The following XIRP2 variants were observed in gnomAD, a reference collection of about 807,000 sequenced individuals.
XIRP2 encodes the protein xin actin-binding repeat-containing protein 2.
XIRP2 carries 236 observed loss-of-function variants against 277.0 expected under a neutral mutation model. That is an observed-to-expected ratio of 0.85 (90% CI 0.77 to 0.95). The LOEUF (loss-of-function observed/expected upper bound fraction) is 0.95, where lower values mean the gene tolerates loss of function less well. XIRP2 is among the 40% of genes least tolerant of loss of function. The probability of loss-of-function intolerance (pLI) is 0.00; values close to 1 mark genes in which losing one functional copy is unlikely to be tolerated. For missense variants in XIRP2, 4,640 were observed against 4,157.5 expected (o/e 1.12, Z -3.19); for synonymous variants, 1,490 against 1,416.5 (o/e 1.05, Z -1.17).
intron 2 of XIRP2, among the ~76,000 whole-genome samples, chr2:167,088,144 AT>A (rs1358181426): frequency 6.6e-5 from 10 of 152,310 alleles, no homozygotes; most frequent in Non-Finnish European, 2.9e-5. Flanking sequence ...GTTTAAAAGT[AT>A]CAAAAATTAT....
chr2:166,970,842 A>G (rs976707786), intron 2 of XIRP2, among the ~76,000 whole-genome samples: 3 of 151,926 alleles, frequency 2.0e-5, no homozygotes, highest in African/African-American at 7.2e-5. Context: ...ATATACTATC[A>G]TATATTAAAA....
At chr2:167,009,232 G>A (rs1687594713) in intron 2 of XIRP2, among the ~76,000 whole-genome samples, 1 of 105,830 alleles carries the variant, frequency 9.4e-6, no homozygotes, top group Non-Finnish European at 1.7e-5. Flanking sequence ...CCCCACAACA[G>A]TCCCCAGAGT....
At chr2:166,942,799 C>T (rs983045961) in intron 2 of XIRP2, among the ~76,000 whole-genome samples, 2 of 151,726 alleles carry the variant, frequency 1.3e-5, no homozygotes, top group African/African-American at 4.8e-5. Context: ...AAAATAAAAG[C>T]CTTGAAGAGA....
chr2:167,108,012 TATAA>T (rs1465133765), intron 2 of XIRP2, among the ~76,000 whole-genome samples: 10 of 151,790 alleles, frequency 6.6e-5, no homozygotes, highest in African/African-American at 1.9e-4. Context: ...ATTTTAAAAT[TATAA>T]ATGTGATTTT....
At chr2:166,931,069 A>G (rs907173638) in intron 2 of XIRP2, among the ~76,000 whole-genome samples, 2 of 152,158 alleles carry the variant, frequency 1.3e-5, no homozygotes, top group Non-Finnish European at 2.9e-5. Context: ...TCATGAGCTC[A>G]ATGAAGAGAA....
chr2:166,985,101 A>G (rs994904343), intron 2 of XIRP2, among the ~76,000 whole-genome samples: 1 of 152,214 alleles, frequency 6.6e-6, no homozygotes, highest in African/African-American at 2.4e-5. Flanking sequence ...CATCCTGCAC[A>G]AAATTTAGTC....
chr2:166,920,267 A>G (rs1685002760), intron 2 of XIRP2, among the ~76,000 whole-genome samples: 1 of 152,192 alleles, frequency 6.6e-6, no homozygotes, highest in African/African-American at 2.4e-5. Flanking sequence ...GATGTGGAGA[A>G]GTTAATTTGC....
chr2:167,024,241 T>C (rs1688081821), intron 2 of XIRP2, among the ~76,000 whole-genome samples: 1 of 152,160 alleles, frequency 6.6e-6, no homozygotes, highest in Non-Finnish European at 1.5e-5. Context: ...CACTCATGAT[T>C]TGGCTCTCTG....
intron 2 of XIRP2, among the ~76,000 whole-genome samples, chr2:167,081,440 C>A (rs1413817927): frequency 6.6e-6 from 1 of 152,088 alleles, no homozygotes; most frequent in East Asian, 1.9e-4. Flanking sequence ...TGTACTCCAG[C>A]CTGGGTGGCA....
intron 2 of XIRP2, among the ~76,000 whole-genome samples, chr2:166,995,068 G>T (rs909482501): frequency 2.0e-5 from 3 of 152,056 alleles, no homozygotes; most frequent in Admixed American, 6.6e-5. Flanking sequence ...TTTTAGTAGA[G>T]ATCAGGTTTC....
chr2:167,163,749 T>C (rs1406739820), intron 3 of XIRP2, among the ~76,000 whole-genome samples: 1 of 152,214 alleles, frequency 6.6e-6, no homozygotes, highest in Non-Finnish European at 1.5e-5. Context: ...GCAAAGATAT[T>C]TCTGTGCTTT....
intron 2 of XIRP2, among the ~76,000 whole-genome samples, chr2:166,931,381 G>A (rs139043494): frequency 1.3e-5 from 2 of 152,110 alleles, no homozygotes; most frequent in African/African-American, 2.4e-5. Flanking sequence ...ATCTCTTAGA[G>A]CAAAATTTTG....
chr2:166,899,518 A>G (rs1684323845), intron 1 of XIRP2, among the ~76,000 whole-genome samples: 1 of 152,076 alleles, frequency 6.6e-6, no homozygotes, highest in South Asian at 2.1e-4. Flanking sequence ...TTGTCATTCA[A>G]GAATACCCCC....
At chr2:167,114,676 A>G (rs973523037) in intron 2 of XIRP2, among the ~76,000 whole-genome samples, 1 of 144,384 alleles carries the variant, frequency 6.9e-6, no homozygotes, top group African/African-American at 2.6e-5. Context: ...GTTCCCATCT[A>G]TGAGTGAGAA....
chr2:167,258,718 G>A lies in XIRP2; in HGVS notation c.*901G>A. ...CATATCTGAATAATTGCAGGCAGAA[G>A]ACATCTATTTTAGAATTTCTTGATC... On this transcript the variant is annotated 3_prime_UTR_variant, in exon 11 of 11. Transcript: ENST00000409195. 2 of 1,613,202 alleles carry A rather than the reference G, an allele frequency of 1.2e-6. No individual in the cohort carries two copies. Among genetic ancestry groups the A allele is most frequent in the Non-Finnish European group, 1.7e-6 (2 of 1,179,568 alleles).
At chr2:166,942,300 C>G (rs1430712033) in intron 2 of XIRP2, among the ~76,000 whole-genome samples, 1 of 152,128 alleles carries the variant, frequency 6.6e-6, no homozygotes, top group Non-Finnish European at 1.5e-5. Flanking sequence ...ATAAGTTTAG[C>G]CTTGGAGTCA....
At chr2:167,129,807 T>C (rs920254506) in intron 2 of XIRP2, among the ~76,000 whole-genome samples, 1 of 150,486 alleles carries the variant, frequency 6.6e-6, no homozygotes, top group African/African-American at 2.4e-5. Context: ...GAGGCAGAGA[T>C]TGTGGTGAGC....
At chr2:166,972,573 A>G (rs1463199799) in intron 2 of XIRP2, among the ~76,000 whole-genome samples, 4 of 152,152 alleles carry the variant, frequency 2.6e-5, no homozygotes, top group Admixed American at 1.3e-4. Flanking sequence ...AGCACAGTTC[A>G]TATTCTGCAA....
intron 2 of XIRP2, among the ~76,000 whole-genome samples, chr2:167,055,537 G>A (rs1382617820): frequency 1.3e-5 from 2 of 152,136 alleles, no homozygotes; most frequent in Non-Finnish European, 2.9e-5. Flanking sequence ...CTTACTTGCT[G>A]GAGATTATCA....
Sources: allele counts gnomAD v4.1 joint callset (sites outside exome capture counted in the v4.1 genomes callset), GRCh38; gene constraint gnomAD v4.1.1; transcripts MANE v1.5; gene names NCBI Gene and HGNC (gene_info 2026-07-23, HGNC 2026-07-21).